OXR1: variants seen among roughly 807,000 people sequenced by gnomAD.
OXR1 encodes the protein oxidation resistance protein 1.
Under a neutral mutation model 104.6 loss-of-function variants are expected in OXR1, and 41 were observed. The ratio of observed to expected loss-of-function variants is 0.39; its 90% CI spans 0.31 to 0.51. OXR1 has a LOEUF of 0.51. Ranked by LOEUF, OXR1 falls within the 20% of genes least tolerant of loss-of-function variation. The probability of loss-of-function intolerance (pLI) is 0.77; values close to 1 mark genes in which losing one functional copy is unlikely to be tolerated. For missense variants in OXR1, 955 were observed against 1,031.9 expected (o/e 0.93, Z 1.02); for synonymous variants, 348 against 348.4 (o/e 1.00, Z 0.01).
intron 3 of OXR1, among the ~76,000 whole-genome samples, chr8:106,677,850 A>C (rs1400712466): frequency 6.6e-6 from 1 of 152,048 alleles, no homozygotes; most frequent in African/African-American, 2.4e-5. Flanking sequence ...TTTATGGAAA[A>C]TTAATGGCAG....
rs35038334 is a variant in OXR1 at position 106,575,985 on chromosome 8, AACACACACACAC to A, written c.220+56872_220+56883del. 3.2e-3 allele frequency among the ~76,000 whole-genome samples: 459 copies of A among 144,408 alleles called. 10 individuals are homozygous for A. The highest frequency in any genetic ancestry group is 0.024 in the Admixed American group (347 of 14,378). The allele number at this position is 144,408 out of a possible 152,430, so 94.7% of individuals were successfully genotyped here. A position where few individuals can be genotyped will look rare whatever the true frequency, so the allele number is the denominator to read the frequency against. On this transcript the variant is annotated intron_variant, in intron 3 of 16. Transcript: ENST00000517566. Reference sequence around the variant, plus strand: ...AAAGAGAAGAGATAGAAATGTTTATAACACACACACACACACACACACACACACACACACACA... The same window carrying A: ...AAAGAGAAGAGATAGAAATGTTTATAACACACACACACACACACACACACA...
chr8:106,708,071 T>G (rs1831319763), intron 9 of OXR1, among the ~76,000 whole-genome samples: 1 of 152,122 alleles, frequency 6.6e-6, no homozygotes, highest in Non-Finnish European at 1.5e-5. Flanking sequence ...TTTTTTCATC[T>G]TCTAAAACTG....
At chr8:106,515,815 A>G (rs1812821124) in intron 2 of OXR1, among the ~76,000 whole-genome samples, 1 of 152,074 alleles carries the variant, frequency 6.6e-6, no homozygotes. Context: ...ATACAGTGTA[A>G]ATCCATGTTT....
intron 1 of OXR1, among the ~76,000 whole-genome samples, chr8:106,284,498 A>G (rs1338976498): frequency 6.6e-6 from 1 of 152,176 alleles, no homozygotes; most frequent in East Asian, 1.9e-4. Flanking sequence ...TGGCACAGAC[A>G]TAATGATATC....
At chr8:106,637,317 T>C (rs1823224266) in intron 3 of OXR1, among the ~76,000 whole-genome samples, 1 of 149,830 alleles carries the variant, frequency 6.7e-6, no homozygotes, top group East Asian at 2.1e-4. Context: ...GAAAGAACTT[T>C]AATGTGTGTG....
chr8:106,456,943 T>A lies in OXR1; in HGVS notation c.24-62000T>A, dbSNP rs137893461. ...TATTTGCATTGTACATAATAACACATCATCAAATTGACCTTTAATTAAGTG... is the reference window on the plus strand; with the variant it reads ...TATTTGCATTGTACATAATAACACAACATCAAATTGACCTTTAATTAAGTG... On this transcript the variant is annotated intron_variant, in intron 2 of 16. Coordinates refer to ENST00000517566, the MANE Select transcript of OXR1 (RefSeq NM_001198533.2). 4.6e-5 allele frequency among the ~76,000 whole-genome samples: 7 copies of A among 152,344 alleles called. 1 individual carries two copies. The highest frequency in any genetic ancestry group is 1.7e-4 in the African/African-American group (7 of 41,586).
intron 1 of OXR1, among the ~76,000 whole-genome samples, chr8:106,303,854 T>C (rs1345993346): frequency 1.3e-5 from 2 of 152,246 alleles, no homozygotes; most frequent in Non-Finnish European, 1.5e-5. Context: ...AAGTATCATA[T>C]GTATTTCAGT....
intron 2 of OXR1, 123 bp from the exon 3 acceptor site, chr8:106,518,820 C>A: frequency 1.7e-6 from 1 of 584,146 alleles, no homozygotes; most frequent in Non-Finnish European, 2.9e-6. Context: ...TCTATCATTT[C>A]TGAATAGATG....
chr8:106,698,387 G>GT (rs1252311120), intron 7 of OXR1, among the ~76,000 whole-genome samples: 1 of 151,940 alleles, frequency 6.6e-6, no homozygotes, highest in Non-Finnish European at 1.5e-5. Context: ...TTTTCTATTT[G>GT]TTTTGCTGGG....
At chr8:106,456,104 C>G (rs546583361) in intron 2 of OXR1, among the ~76,000 whole-genome samples, 1 of 152,042 alleles carries the variant, frequency 6.6e-6, no homozygotes, top group Non-Finnish European at 1.5e-5. Context: ...TGCTTTCCAG[C>G]GGAAATGATC....
intron 1 of OXR1, among the ~76,000 whole-genome samples, chr8:106,319,142 A>G (rs1814105577): frequency 6.6e-6 from 1 of 152,208 alleles, no homozygotes; most frequent in African/African-American, 2.4e-5. Context: ...ATTTTCTTCA[A>G]ACTGATTGCT....
intron 2 of OXR1, among the ~76,000 whole-genome samples, chr8:106,431,679 C>T (rs1819366384): frequency 6.6e-6 from 1 of 152,170 alleles, no homozygotes; most frequent in South Asian, 2.1e-4. Context: ...TTAACAGCAC[C>T]TATACTAGCA....
rs545082547 is a variant in OXR1, at chr8:106,333,863, C to A, written c.-138-25613C>A. 5.9e-5 allele frequency among the ~76,000 whole-genome samples: 9 copies of A among 152,168 alleles called. 1 individual carries two copies. In the South Asian group the frequency reaches 1.9e-3, roughly 32 times the overall value. On this transcript the variant is annotated intron_variant, in intron 1 of 16. Transcript: ENST00000517566. ...TACCACACTGTTTTTATTATTGTAA[C>A]TTTGTAGTAAATTTTGAAATCAGTA...
intron 2 of OXR1, among the ~76,000 whole-genome samples, chr8:106,361,962 A>G (rs763149708): frequency 3.3e-5 from 5 of 152,240 alleles, no homozygotes; most frequent in Non-Finnish European, 5.9e-5. Context: ...TGATAACCAT[A>G]TAATCATAAC....
chr8:106,365,730 C>A (rs1006364395), intron 2 of OXR1, among the ~76,000 whole-genome samples: 1 of 152,090 alleles, frequency 6.6e-6, no homozygotes, highest in African/African-American at 2.4e-5. Context: ...TTTAGAATAA[C>A]TTTTTAAAAA....
chr8:106,465,854 G>T (rs1422949703), intron 2 of OXR1, among the ~76,000 whole-genome samples: 1 of 151,928 alleles, frequency 6.6e-6, no homozygotes, highest in Non-Finnish European at 1.5e-5. Context: ...CTTTATCCAA[G>T]AGAGAATTCT....
chr8:106,745,752 C>A, intron 15 of OXR1, 37 bp from the exon 16 acceptor site: 2 of 1,015,880 alleles, frequency 2.0e-6, no homozygotes, highest in South Asian at 1.5e-5. Context: ...ATAACCATTT[C>A]ATCTATATAT....
At chr8:106,441,197 T>C (rs1819766600) in intron 2 of OXR1, among the ~76,000 whole-genome samples, 2 of 152,146 alleles carry the variant, frequency 1.3e-5, no homozygotes, top group Admixed American at 1.3e-4. Flanking sequence ...CTTGTTTTTG[T>C]CAGGTTTGTC....
At chr8:106,319,871 G>A (rs1304619759) in intron 1 of OXR1, among the ~76,000 whole-genome samples, 1 of 152,240 alleles carries the variant, frequency 6.6e-6, no homozygotes, top group East Asian at 1.9e-4. Flanking sequence ...CAGGTCAGCA[G>A]TACTTTTTGT....
Sources: allele counts gnomAD v4.1 joint callset (sites outside exome capture counted in the v4.1 genomes callset), GRCh38; gene constraint gnomAD v4.1.1; transcripts MANE v1.5; gene names NCBI Gene and HGNC (gene_info 2026-07-23, HGNC 2026-07-21).